The following CAMSAP1 variants were observed in gnomAD, a reference collection of about 807,000 sequenced individuals.
CAMSAP1 encodes the protein calmodulin-regulated spectrin-associated protein 1.
Under a neutral mutation model 143.5 loss-of-function variants are expected in CAMSAP1, and 58 were observed. The observed-to-expected ratio is 0.40, with a 90% CI of 0.33 to 0.50. The LOEUF (loss-of-function observed/expected upper bound fraction) is 0.50, where lower values mean the gene tolerates loss of function less well. Among genes scored for constraint, CAMSAP1 ranks in the 20% least tolerant of loss-of-function variants. The pLI is 0.45. For synonymous variants in CAMSAP1, 945 were observed against 859.3 expected, an observed-to-expected ratio of 1.10 and a Z score of -1.74; for missense variants, 1,969 against 2,115.7, an observed-to-expected ratio of 0.93 and a Z score of 1.36.
At chr9:135,881,548 G>T in intron 3 of CAMSAP1, 85 bp downstream of exon 3, 2 of 1,446,550 alleles carry the variant, frequency 1.4e-6, no homozygotes, top group South Asian at 1.3e-5. Context: ...GTCTCAGCGT[G>T]ACAGACAAGG....
chr9:135,902,041 C>G (rs1838633744), intron 1 of CAMSAP1, among the ~76,000 whole-genome samples: 1 of 152,144 alleles, frequency 6.6e-6, no homozygotes, highest in African/African-American at 2.4e-5. Context: ...GTGGGACAAC[C>G]ATAATCCCTG....
chr9:135,891,482 G>A (rs1382223414), intron 1 of CAMSAP1, among the ~76,000 whole-genome samples: 1 of 152,240 alleles, frequency 6.6e-6, no homozygotes, highest in Non-Finnish European at 1.5e-5. Context: ...AGCTGTGGAA[G>A]CTGAACCAAC....
intron 5 of CAMSAP1, among the ~76,000 whole-genome samples, chr9:135,858,277 T>C (rs1837049081): frequency 6.6e-6 from 1 of 152,192 alleles, no homozygotes; most frequent in African/African-American, 2.4e-5. Flanking sequence ...GAGTGACTTC[T>C]GACTAACAGA....
At chr9:135,868,346 C>T (rs956869557) in intron 3 of CAMSAP1, among the ~76,000 whole-genome samples, 1 of 152,176 alleles carries the variant, frequency 6.6e-6, no homozygotes, top group Non-Finnish European at 1.5e-5. Context: ...TCGGGACATG[C>T]ACCTGTGCAC....
intron 7 of CAMSAP1, among the ~76,000 whole-genome samples, chr9:135,847,680 G>A (rs1040168226): frequency 6.7e-6 from 1 of 148,806 alleles, no homozygotes; most frequent in African/African-American, 2.5e-5. Flanking sequence ...ACAGGGAGGG[G>A]AACATCACAC....
intron 16 of CAMSAP1, among the ~76,000 whole-genome samples, chr9:135,812,532 G>A (rs545807236): frequency 2.6e-4 from 40 of 152,098 alleles, no homozygotes; most frequent in Middle Eastern, 3.4e-3. Flanking sequence ...GACTGTTCAC[G>A]GGCGTGGAGT....
chr9:135,865,795 A>G (rs1024508040), intron 4 of CAMSAP1, among the ~76,000 whole-genome samples: 2 of 152,178 alleles, frequency 1.3e-5, no homozygotes, highest in African/African-American at 4.8e-5. Context: ...TAACAAATGC[A>G]TGGCCAGGGG....
intron 1 of CAMSAP1, among the ~76,000 whole-genome samples, chr9:135,890,709 G>A (rs1588507684): frequency 6.6e-6 from 1 of 152,154 alleles, no homozygotes; most frequent in Non-Finnish European, 1.5e-5. Context: ...TGTCTCCAAG[G>A]GACCGCTGGA....
intron 1 of CAMSAP1, among the ~76,000 whole-genome samples, chr9:135,886,955 G>C (rs780385892): frequency 2.0e-5 from 3 of 152,224 alleles, no homozygotes; most frequent in Non-Finnish European, 4.4e-5. Flanking sequence ...GTGTGGAGGA[G>C]GAGGGCAGTC....
At chr9:135,836,300 C>A (rs779561263) in intron 7 of CAMSAP1, 9 of 985,150 alleles carry the variant, frequency 9.1e-6, no homozygotes, top group Non-Finnish European at 9.6e-6. Flanking sequence ...TACCTTCTAC[C>A]CTGTTCTACA....
chr9:135,829,318 A>T (rs1835775947), intron 7 of CAMSAP1, among the ~76,000 whole-genome samples: 1 of 151,544 alleles, frequency 6.6e-6, no homozygotes, highest in Admixed American at 6.6e-5. Flanking sequence ...CCTGGGCAAC[A>T]CAGCAAGACC....
Position 135,820,981 on chromosome 9 carries a change from AG to A in CAMSAP1, c.3679del (p.Leu1227Ter). On this transcript the variant is annotated frameshift_variant, in exon 11 of 17. Transcript: ENST00000389532. LOFTEE classifies it high-confidence loss of function. The surrounding 1 kb of genome is among the most constrained non-coding windows in gnomAD (Gnocchi z 4.4). ...GKESVPVEEP[L>X]RSRASLIEVD... Reference sequence around the variant, plus strand: ...TTCAATGAGGCTGGCCCTGCTCCTCAGAGGCTCCTCCACGGGGACGCTCTCT... The same window carrying A: ...TTCAATGAGGCTGGCCCTGCTCCTCAAGGCTCCTCCACGGGGACGCTCTCT... The A allele has an allele frequency of 6.2e-7, 1 of 1,612,926 alleles. No individual in the cohort carries two copies. Among genetic ancestry groups the A allele is most frequent in the Non-Finnish European group, 8.5e-7 (1 of 1,179,158 alleles).
chr9:135,887,786 G>A (rs1370216572), intron 1 of CAMSAP1, among the ~76,000 whole-genome samples: 1 of 151,904 alleles, frequency 6.6e-6, no homozygotes, highest in African/African-American at 2.4e-5. Context: ...GTCAAACAAG[G>A]ACACGGGCAG....
intron 7 of CAMSAP1, among the ~76,000 whole-genome samples, chr9:135,849,352 G>C (rs1836689017): frequency 6.6e-6 from 1 of 152,232 alleles, no homozygotes; most frequent in Non-Finnish European, 1.5e-5. Context: ...CATCGCTTTT[G>C]CACCACGGTG....
chr9:135,864,597 T>C (rs1455172971), intron 4 of CAMSAP1, among the ~76,000 whole-genome samples: 2 of 152,086 alleles, frequency 1.3e-5, no homozygotes, highest in Non-Finnish European at 2.9e-5. Context: ...AAGTACTCTC[T>C]CCCCAGGGGC....
At chr9:135,876,142 C>A (rs73559485) in intron 3 of CAMSAP1, among the ~76,000 whole-genome samples, 1 of 152,088 alleles carries the variant, frequency 6.6e-6, no homozygotes, top group Non-Finnish European at 1.5e-5. Context: ...AGTAGAGACA[C>A]GGTTTCACCA....
rs184648694 is a variant in CAMSAP1 at position 135,817,362 on chromosome 9, C to T, written c.4271+615G>A. On this transcript the variant is annotated intron_variant, in intron 14 of 16. Coordinates refer to ENST00000389532, the MANE Select transcript of CAMSAP1 (RefSeq NM_015447.4). ...TATTTAAGCATAAAAGGCCAGACAT[C>T]TCCAACGGAGTGGTTTTTTTCTGTT... 3.6e-3 allele frequency among the ~76,000 whole-genome samples: 554 copies of T among 152,294 alleles called. 2 individuals are homozygous for T. Among genetic ancestry groups the T allele is most frequent in the Middle Eastern group, 0.014 (4 of 294 alleles).
intron 1 of CAMSAP1, among the ~76,000 whole-genome samples, chr9:135,890,924 A>G (rs6537917): frequency 0.38 from 57,126 of 152,108 alleles, 12,106 homozygotes; most frequent in African/African-American, 0.58. Context: ...TCCCGCTGAC[A>G]ACAGCTAAAA....
At chr9:135,893,547 T>C (rs1296070827) in intron 1 of CAMSAP1, among the ~76,000 whole-genome samples, 1 of 151,924 alleles carries the variant, frequency 6.6e-6, no homozygotes, top group Non-Finnish European at 1.5e-5. Flanking sequence ...GCATCCTGAG[T>C]GAAGAACAAT....
Sources: allele counts gnomAD v4.1 joint callset (sites outside exome capture counted in the v4.1 genomes callset), GRCh38; gene constraint gnomAD v4.1.1; non-coding constraint Gnocchi (gnomAD v3.1); transcripts MANE v1.5; gene names NCBI Gene and HGNC (gene_info 2026-07-23, HGNC 2026-07-21).